Variants in CCNB1IP1 observed in about 807,000 individuals in gnomAD.
CCNB1IP1 encodes the protein cyclin B1 interacting protein 1, also known as E3 ubiquitin-protein ligase CCNB1IP1.
CCNB1IP1 carries 14 observed loss-of-function variants against 25.6 expected under a neutral mutation model. The observed-to-expected ratio is 0.55, with a 90% CI of 0.36 to 0.85. CCNB1IP1 has a LOEUF of 0.85. Among genes scored for constraint, CCNB1IP1 ranks in the 40% least tolerant of loss-of-function variants. CCNB1IP1 has a pLI of 0.01. For missense variants in CCNB1IP1, 278 were observed against 342.4 expected, an observed-to-expected ratio of 0.81 and a Z score of 1.48; for synonymous variants, 119 against 116.1, an observed-to-expected ratio of 1.02 and a Z score of -0.16.
At chr14:20,325,175 A>C (rs1566404453) in intron 4 of CCNB1IP1, among the ~76,000 whole-genome samples, 1 of 150,640 alleles carries the variant, frequency 6.6e-6, no homozygotes, top group Non-Finnish European at 1.5e-5. Flanking sequence ...TAATCCCAGC[A>C]CTTTGGGAGG....
At chr14:20,324,499 T>G (rs1883002838) in intron 4 of CCNB1IP1, among the ~76,000 whole-genome samples, 1 of 152,136 alleles carries the variant, frequency 6.6e-6, no homozygotes, top group South Asian at 2.1e-4. Context: ...ACAAAGAATT[T>G]TCGTCAATCT....
chr14:20,327,037 C>G (rs1391935917), intron 2 of CCNB1IP1, among the ~76,000 whole-genome samples: 2 of 152,054 alleles, frequency 1.3e-5, no homozygotes, highest in Non-Finnish European at 2.9e-5. Flanking sequence ...GATCGTGCCA[C>G]TGTACTCCAG....
intron 5 of CCNB1IP1, among the ~76,000 whole-genome samples, chr14:20,315,203 T>C (rs1287725669): frequency 1.4e-5 from 2 of 140,626 alleles, no homozygotes; most frequent in African/African-American, 5.5e-5. Flanking sequence ...ACATCATATG[T>C]CATCAGAGAC....
In CCNB1IP1 at chr14:20,316,540, C is replaced by A. The variant is rs749055730; in HGVS notation, c.-17G>T. ...CAAAGACATAATAGGATAGTGAGGT[C>A]TCCAGAAGCTGAAGAGAGGCCTAAG... is the stretch of plus-strand genomic sequence containing the variant. On this transcript the variant is annotated 5_prime_UTR_variant, in exon 5 of 7. Coordinates refer to ENST00000358932, the MANE Select transcript of CCNB1IP1 (RefSeq NM_021178.5). 1.3e-6 allele frequency: 2 copies of A among 1,587,812 alleles called. No individual in the cohort carries two copies. Among genetic ancestry groups the A allele is most frequent in the Non-Finnish European group, 1.7e-6 (2 of 1,167,148 alleles).
chr14:20,316,553 A>G lies in CCNB1IP1; in HGVS notation c.-30T>C, dbSNP rs752212114. ...GGATAGTGAGGTCTCCAGAAGCTGA[A>G]GAGAGGCCTAAGAAGGGGTAAATAA... is the stretch of plus-strand genomic sequence containing the variant. On this transcript the variant is annotated 5_prime_UTR_variant, in exon 5 of 7. Coordinates refer to ENST00000358932, the MANE Select transcript of CCNB1IP1 (RefSeq NM_021178.5). 6.3e-7 allele frequency: 1 copy of G among 1,580,214 alleles called. No homozygotes were observed. Among genetic ancestry groups the G allele is most frequent in the Admixed American group, 1.7e-5 (1 of 59,632 alleles).
intron 1 of CCNB1IP1, among the ~76,000 whole-genome samples, chr14:20,331,045 C>A (rs887340657): frequency 2.0e-5 from 3 of 152,200 alleles, no homozygotes; most frequent in Non-Finnish European, 4.4e-5. Context: ...ACCTAAAAAA[C>A]CGGAACTAAG....
At position 20,311,584 on chromosome 14, in the gene CCNB1IP1, A is replaced by C; in HGVS notation, c.800T>G (p.Val267Gly). 3 of 1,613,876 alleles carry C rather than the reference A, an allele frequency of 1.9e-6. No individual in the cohort carries two copies. Among genetic ancestry groups the C allele is most frequent in the Non-Finnish European group, 2.5e-6 (3 of 1,180,004 alleles). Residue 267 changes from valine (V) to glycine (G), a missense_variant, in exon 7 of 7, where the codon GTT becomes GGT. Coordinates refer to ENST00000358932, the MANE Select transcript of CCNB1IP1 (RefSeq NM_021178.5). ...TTTTACTTTGAAGGCCCTGCTAGAA[A>C]CTTGCTGCTGCTCTAATTCACGACT... ...SPSRELEQQQ[V>G]SSRAFKVKRI
intron 4 of CCNB1IP1, among the ~76,000 whole-genome samples, chr14:20,321,619 T>G (rs1257111007): frequency 6.6e-6 from 1 of 152,096 alleles, no homozygotes; most frequent in Non-Finnish European, 1.5e-5. Context: ...CCAGCTAATT[T>G]TTTTTGTATT....
At chr14:20,319,413 G>T (rs1324467966) in intron 4 of CCNB1IP1, among the ~76,000 whole-genome samples, 1 of 152,200 alleles carries the variant, frequency 6.6e-6, no homozygotes, top group Non-Finnish European at 1.5e-5. Context: ...TGAGCCTTCT[G>T]TGTGAATTCT....
intron 4 of CCNB1IP1, among the ~76,000 whole-genome samples, chr14:20,319,369 A>G (rs1480251117): frequency 6.6e-6 from 1 of 152,222 alleles, no homozygotes; most frequent in Non-Finnish European, 1.5e-5. Context: ...TCATGTGTGA[A>G]CCATATACTC....
chr14:20,318,425 A>C (rs537089399), intron 4 of CCNB1IP1: 1 of 151,990 alleles, frequency 6.6e-6, no homozygotes, highest in East Asian at 1.9e-4. Context: ...GTGAGCCGAG[A>C]TCGCACCATT....
intron 2 of CCNB1IP1, among the ~76,000 whole-genome samples, chr14:20,328,067 CAG>C (rs1396598281): frequency 2.0e-5 from 3 of 152,270 alleles, no homozygotes; most frequent in African/African-American, 7.2e-5. Context: ...AATAAGCTGA[CAG>C]AAAAGAAAGC....
At chr14:20,314,572 C>G (rs1249547522) in intron 5 of CCNB1IP1, 3 of 151,990 alleles carry the variant, frequency 2.0e-5, no homozygotes, top group African/African-American at 7.3e-5. Context: ...TAAAATACAC[C>G]AAAGGTATAA....
intron 1 of CCNB1IP1, among the ~76,000 whole-genome samples, chr14:20,329,621 G>T (rs1263868590): frequency 2.0e-5 from 3 of 152,072 alleles, no homozygotes; most frequent in African/African-American, 7.3e-5. Context: ...CCGTATCTTG[G>T]CTTTTGTGAA....
chr14:20,327,530 C>T (rs1396941167), intron 2 of CCNB1IP1, among the ~76,000 whole-genome samples: 1 of 149,636 alleles, frequency 6.7e-6, no homozygotes, highest in African/African-American at 2.5e-5. Context: ...TCTGAACTTT[C>T]AGGTCAAATA....
At chr14:20,311,836 A>G (rs1026177325) in intron 6 of CCNB1IP1, 84 bp from the exon 7 acceptor site, 1 of 655,180 alleles carries the variant, frequency 1.5e-6, no homozygotes, top group Non-Finnish European at 2.4e-6. Flanking sequence ...AAATATATAT[A>G]TATGAATATA....
chr14:20,321,903 G>A (rs1008962222), intron 4 of CCNB1IP1, among the ~76,000 whole-genome samples: 3 of 152,106 alleles, frequency 2.0e-5, no homozygotes, highest in Admixed American at 1.3e-4. Flanking sequence ...TGTACCCCTT[G>A]CATGTTAAAT....
intron 3 of CCNB1IP1, chr14:20,326,506 T>A (rs576036479): frequency 9.3e-6 from 5 of 534,772 alleles, no homozygotes; most frequent in Non-Finnish European, 1.9e-5. Context: ...GGACTTAACA[T>A]GCATTTCATC....
At position 20,332,026 on chromosome 14, in the gene CCNB1IP1, ATTTT is replaced by A. The variant is rs57345952; in HGVS notation, c.-431+1224_-431+1227del. Among the ~76,000 whole-genome samples the A allele has an allele frequency of 5.0e-3, 204 of 40,674 alleles. 1 individual carries two copies. Among genetic ancestry groups the A allele is most frequent in the African/African-American group, 0.014 (155 of 11,452 alleles). 26.7% of individuals were successfully genotyped at this position (40,674 alleles called of 152,430 possible). ...TATACATATATATATATATATATAT[ATTTT>A]TTTTTTTTTTTTTTTTTTTTTGAGA... On this transcript the variant is annotated intron_variant, in intron 1 of 6. Coordinates refer to ENST00000358932, the MANE Select transcript of CCNB1IP1 (RefSeq NM_021178.5).
Sources: gnomAD v4.1 joint callset for allele counts (sites outside exome capture counted in the v4.1 genomes callset) on GRCh38, gnomAD v4.1.1 for gene constraint, MANE v1.5 for transcripts, NCBI Gene and HGNC (gene_info 2026-07-23, HGNC 2026-07-21) for gene names.